The following PPP2R3B variants were observed in gnomAD, a reference collection of about 807,000 sequenced individuals.
The protein encoded by PPP2R3B is protein phosphatase 2 regulatory subunit B''beta.
A neutral mutation model predicts 72.9 loss-of-function variants in PPP2R3B; 68 were observed. The ratio of observed to expected loss-of-function variants is 0.93; its 90% CI spans 0.77 to 1.14. The LOEUF is 1.14. PPP2R3B is among the 50% of genes most tolerant of loss of function. The pLI is 0.00. For missense variants in PPP2R3B, 1,018 were observed against 842.0 expected (o/e 1.21, Z -2.59); for synonymous variants, 466 against 375.8 (o/e 1.24, Z -2.78).
intron 1 of PPP2R3B, among the ~76,000 whole-genome samples, chrX:364,157 G>A (rs1282469997): frequency 6.6e-6 from 1 of 152,176 alleles, no homozygotes; most frequent in Non-Finnish European, 1.5e-5. Flanking sequence ...CAAAACGCAG[G>A]GTCCTCCGGG....
chrX:381,101 T>C (rs1489318400), intron 1 of PPP2R3B, among the ~76,000 whole-genome samples: 1 of 151,994 alleles, frequency 6.6e-6, no homozygotes, highest in Non-Finnish European at 1.5e-5. Context: ...CTGATTTTAC[T>C]ATTTTACAGA....
chrX:386,129 T>C (rs1045923237), intron 1 of PPP2R3B, among the ~76,000 whole-genome samples: 8 of 152,058 alleles, frequency 5.3e-5, no homozygotes, highest in African/African-American at 1.7e-4. Context: ...ATAGGAAGCC[T>C]TTCTACCTTT....
intron 1 of PPP2R3B, among the ~76,000 whole-genome samples, chrX:371,049 A>G (rs2071851109): frequency 2.0e-5 from 3 of 152,092 alleles, no homozygotes. Context: ...GGGGAGGGCC[A>G]GGCTAGGCAG....
intron 1 of PPP2R3B, among the ~76,000 whole-genome samples, chrX:367,374 G>A (rs942858500): frequency 6.6e-6 from 1 of 151,178 alleles, no homozygotes; most frequent in Non-Finnish European, 1.5e-5. Context: ...CGGTTTGTGA[G>A]TTGGAGGAAA....
Position 334,308 on chromosome X carries a change from C to T in PPP2R3B, c.*59G>A, listed in dbSNP as rs374994283. On this transcript the variant is annotated 3_prime_UTR_variant, in exon 13 of 13. Transcript: ENST00000390665. ...TCCACAACAGTTTTTACACGAGCCGCGGTGGCCCGGTGGTGGCACGTGGGG... is the reference window on the plus strand; with the variant it reads ...TCCACAACAGTTTTTACACGAGCCGTGGTGGCCCGGTGGTGGCACGTGGGG... The T allele has an allele frequency of 5.7e-5, 81 of 1,422,344 alleles. No homozygotes were observed. In the African/African-American group the frequency reaches 6.8e-4, roughly 12 times the overall value. The allele number at this position is 1,422,344 out of a possible 1,614,324, so 88.1% of individuals were successfully genotyped here. A position where few individuals can be genotyped will look rare whatever the true frequency, so the allele number is the denominator to read the frequency against.
chrX:349,518 A>G (rs2071286074), intron 2 of PPP2R3B, among the ~76,000 whole-genome samples: 4 of 152,238 alleles, frequency 2.6e-5, no homozygotes, highest in Non-Finnish European at 5.9e-5. Flanking sequence ...CGGCCGAGCC[A>G]GGGCAGCAGG....
intron 1 of PPP2R3B, among the ~76,000 whole-genome samples, chrX:367,181 G>C (rs916548617): frequency 1.3e-5 from 2 of 152,122 alleles, no homozygotes; most frequent in Non-Finnish European, 2.9e-5. Context: ...ATTGAAAGAA[G>C]GGATGAAGAG....
At chrX:339,147 A>C (rs5989638) in intron 10 of PPP2R3B, among the ~76,000 whole-genome samples, 1 of 151,328 alleles carries the variant, frequency 6.6e-6, no homozygotes, top group East Asian at 2.0e-4. Flanking sequence ...GACTGGGACT[A>C]GCGCAGGGAG....
At chrX:363,515 C>CA (rs1402500041) in intron 1 of PPP2R3B, among the ~76,000 whole-genome samples, 55 of 145,990 alleles carry the variant, frequency 3.8e-4, no homozygotes, top group Non-Finnish European at 5.0e-4. Flanking sequence ...TCCCCGAGCC[C>CA]GCGATCCCGC....
At chrX:356,640 GAC>G (rs1333184795) in intron 2 of PPP2R3B, among the ~76,000 whole-genome samples, 2 of 152,170 alleles carry the variant, frequency 1.3e-5, no homozygotes, top group African/African-American at 2.4e-5. Context: ...TCAGTGCACA[GAC>G]ACACAGCAGC....
intron 1 of PPP2R3B, among the ~76,000 whole-genome samples, chrX:375,675 A>G (rs923608687): frequency 6.6e-6 from 1 of 152,222 alleles, no homozygotes; most frequent in African/African-American, 2.4e-5. Context: ...CGGCCTCCCA[A>G]ACGCAGCTAG....
chrX:355,854 G>A (rs2071424432), intron 2 of PPP2R3B, among the ~76,000 whole-genome samples: 5 of 152,226 alleles, frequency 3.3e-5, no homozygotes, highest in Admixed American at 6.5e-5. Flanking sequence ...AAAGTCCAGC[G>A]CACGTGCCCG....
chrX:371,650 G>A (rs1468927774), intron 1 of PPP2R3B, among the ~76,000 whole-genome samples: 1 of 152,138 alleles, frequency 6.6e-6, no homozygotes, highest in Admixed American at 6.5e-5. Context: ...CCGGCCGGGA[G>A]CGTCCGAAGG....
In PPP2R3B at chrX:386,753, G is replaced by C. The variant is rs1197889662; in HGVS notation, c.-62C>G. ...CGCCCCGCCCCGCCCCGGGGGCTTC[G>C]GTCCGCCCCGGACCGACCTCGGTGA... On this transcript the variant is annotated 5_prime_UTR_variant, in exon 1 of 13. Transcript: ENST00000390665. 6 of 1,098,990 alleles carry C rather than the reference G, an allele frequency of 5.5e-6. No individual in the cohort carries two copies. The highest frequency in any genetic ancestry group is 1.7e-5 in the African/African-American group (1 of 60,218). The allele number at this position is 1,098,990 out of a possible 1,614,324, so 68.1% of individuals were successfully genotyped here.
chrX:351,106 G>A (rs1473657259), intron 2 of PPP2R3B, among the ~76,000 whole-genome samples: 2 of 152,150 alleles, frequency 1.3e-5, no homozygotes, highest in African/African-American at 4.8e-5. Flanking sequence ...GCGCACCTGT[G>A]GATGACTTGA....
intron 1 of PPP2R3B, 85 bp from the exon 2 acceptor site, chrX:361,675 G>A (rs772276987): frequency 4.7e-5 from 72 of 1,524,254 alleles, no homozygotes; most frequent in Non-Finnish European, 6.4e-5. Context: ...GGCCTCTCTA[G>A]GGCCGACAGT....
chrX:344,342 G>C (rs62581477), intron 7 of PPP2R3B, among the ~76,000 whole-genome samples: 3,443 of 147,516 alleles, frequency 0.023, 221 homozygotes, highest in African/African-American at 0.081. Context: ...CTCACCAACG[G>C]GAGGCAGGAG....
intron 1 of PPP2R3B, among the ~76,000 whole-genome samples, chrX:383,890 A>G (rs1325796265): frequency 1.3e-5 from 2 of 151,064 alleles, no homozygotes; most frequent in Non-Finnish European, 2.9e-5. Flanking sequence ...AAAAACAACT[A>G]AGTTCCCAGT....
chrX:364,042 C>T (rs760243374), intron 1 of PPP2R3B, among the ~76,000 whole-genome samples: 98 of 152,352 alleles, frequency 6.4e-4, no homozygotes, highest in South Asian at 1.2e-3. Context: ...AGGAAGAACC[C>T]GGGGAAGCCC....
Sources: gnomAD v4.1 joint callset for allele counts (sites outside exome capture counted in the v4.1 genomes callset) on GRCh38, gnomAD v4.1.1 for gene constraint, MANE v1.5 for transcripts, NCBI Gene and HGNC (gene_info 2026-07-23, HGNC 2026-07-21) for gene names.